Variants in PIK3R6 observed in about 807,000 individuals in gnomAD.
PIK3R6 encodes phosphoinositide 3-kinase regulatory subunit 6.
In PIK3R6, 91 loss-of-function variants were observed where a neutral mutation model predicts 84.9. That is an observed-to-expected ratio of 1.07 (90% CI 0.90 to 1.28). The LOEUF (loss-of-function observed/expected upper bound fraction) is 1.28, where lower values mean the gene tolerates loss of function less well. Among genes scored for constraint, PIK3R6 ranks in the 50% most tolerant of loss-of-function variants. The probability of loss-of-function intolerance (pLI) is 0.00; values close to 1 mark genes in which losing one functional copy is unlikely to be tolerated. For synonymous variants in PIK3R6, 416 were observed against 411.4 expected, an observed-to-expected ratio of 1.01 and a Z score of -0.13; for missense variants, 996 against 985.1, an observed-to-expected ratio of 1.01 and a Z score of -0.15.
At position 8,829,753 on chromosome 17, in the gene PIK3R6, G is replaced by C. The variant is rs771273471; in HGVS notation, c.842C>G (p.Pro281Arg). ...CAAGTGGAAGGTGATGTAGGGGCTG[G>C]GCAGGGGAATGCTTGGTGGCCGCTC... Reference protein sequence around the residue: ...VQERPPSIPLPSPYITFHLWT... With the variant: ...VQERPPSIPLRSPYITFHLWT... Residue 281 changes from proline to arginine, a missense_variant, in exon 10 of 20, where the codon CCC becomes CGC. Transcript: ENST00000619866. The C allele has an allele frequency of 6.4e-7, 1 of 1,553,524 alleles. No homozygotes were observed. Among genetic ancestry groups the C allele is most frequent in the Non-Finnish European group, 8.7e-7 (1 of 1,148,316 alleles).
intron 18 of PIK3R6, among the ~76,000 whole-genome samples, chr17:8,818,094 G>T (rs548370374): frequency 6.6e-6 from 1 of 152,154 alleles, no homozygotes; most frequent in African/African-American, 2.4e-5. Flanking sequence ...CCGCGTGAGC[G>T]GGAGGTCATG....
At chr17:8,853,793 C>T (rs1215326222) in intron 1 of PIK3R6, among the ~76,000 whole-genome samples, 3 of 151,632 alleles carry the variant, frequency 2.0e-5, no homozygotes, top group Non-Finnish European at 4.4e-5. Context: ...GAAACCCTGT[C>T]TCTACTAAAA....
At chr17:8,828,316 C>A in intron 11 of PIK3R6, 126 bp from the exon 12 acceptor site, 1 of 1,064,088 alleles carries the variant, frequency 9.4e-7, no homozygotes, top group Non-Finnish European at 1.4e-6. Flanking sequence ...TCTGCTTTCT[C>A]ATCTACAAAA....
chr17:8,847,260 C>T (rs2151291866), intron 2 of PIK3R6, among the ~76,000 whole-genome samples: 1 of 152,232 alleles, frequency 6.6e-6, no homozygotes, highest in East Asian at 1.9e-4. Context: ...CCCCAGTACC[C>T]AGATGCACCT....
chr17:8,838,326 C>G, intron 4 of PIK3R6: 2 of 488,308 alleles, frequency 4.1e-6, no homozygotes, highest in Non-Finnish European at 3.7e-6. Context: ...TGCGGGTTTT[C>G]CATTTGTGGT....
chr17:8,856,677 C>G (rs1184193027), intron 1 of PIK3R6, among the ~76,000 whole-genome samples: 2 of 152,168 alleles, frequency 1.3e-5, no homozygotes. Context: ...TTCACCTGTA[C>G]TTGTGTGTGT....
rs996945489 is a variant in PIK3R6 at position 8,833,503 on chromosome 17, A to C, written c.646-458T>G. On this transcript the variant is annotated intron_variant, in intron 8 of 19. Coordinates refer to ENST00000619866, the MANE Select transcript of PIK3R6 (RefSeq NM_001010855.4). ...GCTGGGATACAGCAGCAAACAAAAG[A>C]GATTGTGTGATCTGGGAAGCCCCCC... Among the ~76,000 whole-genome samples the C allele has an allele frequency of 4.6e-5, 7 of 150,646 alleles. No homozygotes were observed. The East Asian group carries it at 1.4e-3, about 29-fold the overall frequency.
In PIK3R6 at chr17:8,839,515, G is replaced by A. The variant is rs998921761; in HGVS notation, c.97+99C>T. The A allele has an allele frequency of 4.2e-6, 4 of 949,646 alleles. No individual in the cohort carries two copies. The highest frequency in any genetic ancestry group is 3.3e-4 in the Middle Eastern group (1 of 2,988). The allele number at this position is 949,646 out of a possible 1,614,324, so 58.8% of individuals were successfully genotyped here. ...TTTGGTGAGACGACCCTTGCCCCCT[G>A]AGCTCCAGGCCGGGGCTCTTTCCTG... On this transcript the variant is annotated intron_variant, in intron 3 of 19. Coordinates refer to ENST00000619866, the MANE Select transcript of PIK3R6 (RefSeq NM_001010855.4). The surrounding 1 kb of genome is among the most constrained non-coding windows in gnomAD (Gnocchi z 4.2).
In PIK3R6 at chr17:8,828,611, A is replaced by G; in HGVS notation, c.1269T>C (p.Asp423=). Residue 423 remains aspartate, a synonymous_variant, in exon 11 of 20, where the codon GAT becomes GAC. Transcript: ENST00000619866. ...GGGCCAGGCGCCCCAGCATCCTGTCATCTCCGAGCACAAGTACCCGGGCTG... is the reference window on the plus strand; with the variant it reads ...GGGCCAGGCGCCCCAGCATCCTGTCGTCTCCGAGCACAAGTACCCGGGCTG... The part of the protein sequence containing the change: ...LHTARVLVLG[D]DRMLGRLAQA... 6.2e-7 allele frequency: 1 copy of G among 1,613,376 alleles called. No individual in the cohort carries two copies.
intron 13 of PIK3R6, among the ~76,000 whole-genome samples, chr17:8,824,247 C>T (rs1265259585): frequency 3.3e-5 from 5 of 152,176 alleles, no homozygotes; most frequent in African/African-American, 1.2e-4. Context: ...CCAGCCTGGG[C>T]AACAAGAGCG....
At chr17:8,849,151 A>G (rs1190594638) in intron 2 of PIK3R6, among the ~76,000 whole-genome samples, 3 of 152,204 alleles carry the variant, frequency 2.0e-5, no homozygotes, top group Non-Finnish European at 4.4e-5. Context: ...TGTGGCTTTG[A>G]GCAAATTATA....
At chr17:8,822,127 T>C (rs1353892038) in intron 16 of PIK3R6, among the ~76,000 whole-genome samples, 191 bp from the exon 17 acceptor site, 1 of 150,182 alleles carries the variant, frequency 6.7e-6, no homozygotes, top group African/African-American at 2.5e-5. Context: ...TGGGCTCAAG[T>C]GATCCTCCTG....
At chr17:8,847,616 C>T (rs2088842860) in intron 2 of PIK3R6, among the ~76,000 whole-genome samples, 1 of 152,028 alleles carries the variant, frequency 6.6e-6, no homozygotes, top group African/African-American at 2.4e-5. Context: ...GCCTGGGCAA[C>T]ACGGTGAAAC....
intron 1 of PIK3R6, among the ~76,000 whole-genome samples, chr17:8,850,129 C>T (rs918804321): frequency 1.3e-5 from 2 of 151,938 alleles, no homozygotes; most frequent in Non-Finnish European, 2.9e-5. Context: ...CATGGTGAAA[C>T]CCCGTCTCTA....
At chr17:8,836,718 T>C in intron 6 of PIK3R6, 73 bp downstream of exon 6, 1 of 1,609,998 alleles carries the variant, frequency 6.2e-7, no homozygotes. Context: ...CCCGGTATCC[T>C]GGAGAAAAAG....
chr17:8,861,014 G>C (rs2089268643), intron 1 of PIK3R6, among the ~76,000 whole-genome samples: 1 of 152,066 alleles, frequency 6.6e-6, no homozygotes, highest in African/African-American at 2.4e-5. Flanking sequence ...GGCCAACATG[G>C]TGAAACCCCG....
At chr17:8,812,024 T>C (rs2087371768) in intron 18 of PIK3R6, among the ~76,000 whole-genome samples, 1 of 152,156 alleles carries the variant, frequency 6.6e-6, no homozygotes, top group South Asian at 2.1e-4. Flanking sequence ...CAGTTCCACA[T>C]GGCTGGGGAG....
chr17:8,833,129 C>T, intron 8 of PIK3R6, 84 bp from the exon 9 acceptor site: 4 of 1,451,062 alleles, frequency 2.8e-6, no homozygotes, highest in Non-Finnish European at 3.6e-6. Context: ...AGGGCCCTGG[C>T]AGCCCAAGGT....
At chr17:8,834,156 C>CAAAA (rs71135927) in intron 8 of PIK3R6, among the ~76,000 whole-genome samples, 1 of 46,438 alleles carries the variant, frequency 2.2e-5, no homozygotes, top group Non-Finnish European at 4.6e-5. Flanking sequence ...GACTTCGTCT[C>CAAAA]AAAAAAAAAA....
Sources: gnomAD v4.1 joint callset for allele counts (sites outside exome capture counted in the v4.1 genomes callset) on GRCh38, gnomAD v4.1.1 for gene constraint, Gnocchi (gnomAD v3.1) non-coding constraint, MANE v1.5 for transcripts, NCBI Gene and HGNC (gene_info 2026-07-23, HGNC 2026-07-21) for gene names.